The following RXRG variants were observed in gnomAD, a reference collection of about 807,000 sequenced individuals.
The protein encoded by RXRG is retinoic acid receptor RXR-gamma.
In RXRG, 19 loss-of-function variants were observed where a neutral mutation model predicts 49.2. The observed-to-expected ratio is 0.39, with a 90% confidence interval of 0.27 to 0.57. RXRG has a LOEUF of 0.57. Among genes scored for constraint, RXRG ranks in the 20% least tolerant of loss-of-function variants. RXRG has a pLI of 0.64. For synonymous variants in RXRG, 224 were observed against 216.6 expected (o/e 1.03, Z -0.30); for missense variants, 452 against 592.5 (o/e 0.76, Z 2.46).
intron 2 of RXRG, among the ~76,000 whole-genome samples, chr1:165,425,370 A>G (rs1658451599): frequency 6.6e-6 from 1 of 152,056 alleles, no homozygotes; most frequent in African/African-American, 2.4e-5. Flanking sequence ...CTATTGTGTG[A>G]TTGCCATGAG....
At chr1:165,442,532 C>T (rs750393297) in intron 1 of RXRG, among the ~76,000 whole-genome samples, 6 of 152,188 alleles carry the variant, frequency 3.9e-5, no homozygotes, top group Non-Finnish European at 7.3e-5. Flanking sequence ...AATCTAATTA[C>T]GCTAAATATC....
intron 1 of RXRG, among the ~76,000 whole-genome samples, chr1:165,430,997 G>A (rs1658655876): frequency 6.6e-6 from 1 of 152,086 alleles, no homozygotes; most frequent in Non-Finnish European, 1.5e-5. Context: ...AAAACTGTCT[G>A]TTCCTACTTG....
Position 165,417,238 on chromosome 1 carries a change from A to G in RXRG, c.443-18T>C, listed in dbSNP as rs1658154494. ...GTGCTTTCCTGGTTAGAAGAAAAGA[A>G]CATTCCATAGATTGTTCTTGTGTTT... On this transcript the variant is annotated intron_variant, in intron 3 of 9. Coordinates refer to ENST00000359842, the MANE Select transcript of RXRG (RefSeq NM_006917.5). The G allele has an allele frequency of 6.3e-7, 1 of 1,588,798 alleles. No individual in the cohort carries two copies. The highest frequency in any genetic ancestry group is 1.4e-5 in the African/African-American group (1 of 74,032).
At chr1:165,421,865 T>C (rs1658328770) in intron 2 of RXRG, among the ~76,000 whole-genome samples, 1 of 152,170 alleles carries the variant, frequency 6.6e-6, no homozygotes, top group African/African-American at 2.4e-5. Flanking sequence ...CCAGATGACA[T>C]TAATGTGCAT....
At chr1:165,416,932 A>T (rs1658144282) in intron 4 of RXRG, 109 bp downstream of exon 4, 14 of 1,049,954 alleles carry the variant, frequency 1.3e-5, no homozygotes, top group Admixed American at 4.9e-5. Context: ...TGAAGTGGAG[A>T]TTAGGATGAC....
Position 165,410,942 on chromosome 1 carries a change from C to T in RXRG, c.783+7G>A, listed in dbSNP as rs1476933262. 6.2e-7 allele frequency: 1 copy of T among 1,613,956 alleles called. No homozygotes were observed. The highest frequency in any genetic ancestry group is 8.5e-7 in the Non-Finnish European group (1 of 1,179,916). On this transcript the variant is annotated splice_region_variant and intron_variant, in intron 5 of 9. Transcript: ENST00000359842. Reference sequence around the variant, plus strand: ...TGGAACACACATGTGTGTCTAAGAGCACATACCGAGTTCTCCATATTCATG... The same window carrying T: ...TGGAACACACATGTGTGTCTAAGAGTACATACCGAGTTCTCCATATTCATG...
chr1:165,427,426 T>A (rs1658522956), intron 2 of RXRG, among the ~76,000 whole-genome samples: 1 of 151,802 alleles, frequency 6.6e-6, no homozygotes, highest in African/African-American at 2.4e-5. Flanking sequence ...TTTGTTTTGT[T>A]TTGTTTTGTT....
intron 3 of RXRG, among the ~76,000 whole-genome samples, chr1:165,418,961 G>T (rs1305060212): frequency 1.3e-5 from 2 of 152,216 alleles, no homozygotes; most frequent in Admixed American, 1.3e-4. Flanking sequence ...TTCTTTAGTG[G>T]CTTTGGTGGC....
At chr1:165,437,760 G>A (rs144381001) in intron 1 of RXRG, among the ~76,000 whole-genome samples, 20 of 152,270 alleles carry the variant, frequency 1.3e-4, no homozygotes, top group Admixed American at 7.2e-4. Context: ...ACCAGTATAC[G>A]GAATTGGCTT....
At position 165,406,886 on chromosome 1, in the gene RXRG, C is replaced by T; in HGVS notation, c.1170G>A (p.Val390=). The T allele has an allele frequency of 6.2e-7, 1 of 1,613,928 alleles. No homozygotes were observed. The highest frequency in any genetic ancestry group is 1.1e-5 in the South Asian group (1 of 91,064). Residue 390 remains valine (V), a synonymous_variant, in exon 9 of 10, where the codon GTG becomes GTA. Coordinates refer to ENST00000359842, the MANE Select transcript of RXRG (RefSeq NM_006917.5). ...DAKGLSNPSE[V]ETLREKVYAT... The stretch of plus-strand genomic sequence containing the variant: ...CATAAACCTTCTCTCGCAGAGTCTC[C>T]ACCTCAGAGGGGTTGGACAGGCCCT...
At chr1:165,406,782 G>A (rs1423867537) in intron 9 of RXRG, 30 bp downstream of exon 9, 1 of 1,512,018 alleles carries the variant, frequency 6.6e-7, no homozygotes, top group Non-Finnish European at 9.2e-7. Context: ...AGTTGCTGCT[G>A]TTACTACGAT....
Position 165,401,165 on chromosome 1 carries a change from A to AG in RXRG, c.*97dup. On this transcript the variant is annotated 3_prime_UTR_variant, in exon 10 of 10. Coordinates refer to ENST00000359842, the MANE Select transcript of RXRG (RefSeq NM_006917.5). ...TAAGCATCACATTTTGGGGACAGGA[A>AG]GGGGGTCAGGGTGGGAGGTGGAGGA... The AG allele has an allele frequency of 8.8e-7, 1 of 1,138,900 alleles. No individual in the cohort carries two copies. Among genetic ancestry groups the AG allele is most frequent in the East Asian group, 2.4e-5 (1 of 42,174 alleles). 70.5% of individuals were successfully genotyped at this position (1,138,900 alleles called of 1,614,324 possible).
chr1:165,411,083 G>A lies in RXRG; in HGVS notation c.649C>T (p.Arg217Ter), dbSNP rs1657930428. The A allele has an allele frequency of 2.5e-6, 4 of 1,613,954 alleles. No individual in the cohort carries two copies. The highest frequency in any genetic ancestry group is 1.1e-5 in the South Asian group (1 of 91,046). The stretch of plus-strand genomic sequence containing the variant: ...TCTGCCTCACTCTCAGCTCGCTCTC[G>A]GCTCCTCTGTCTTTCTTCTTGCACA... ...EAVQEERQRS[R>*]ERAESEAECA... The change falls in exon 5 of 10, where the codon CGA becomes TGA. Residue 217 changes from arginine to a stop codon, truncating the protein, a stop_gained. Transcript: ENST00000359842. LOFTEE classifies it high-confidence loss of function.
chr1:165,408,370 G>A (rs750128900), intron 7 of RXRG, 52 bp from the exon 8 acceptor site: 2 of 1,375,698 alleles, frequency 1.5e-6, no homozygotes, highest in South Asian at 1.2e-5. Flanking sequence ...AACAGGCCAA[G>A]AGCCAATAAA....
intron 2 of RXRG, chr1:165,424,664 A>G: frequency 4.3e-6 from 2 of 461,410 alleles, no homozygotes; most frequent in Non-Finnish European, 5.7e-6. Flanking sequence ...AAACAATGAA[A>G]TGACAGAGCA....
chr1:165,428,988 T>C, intron 1 of RXRG, 22 bp from the exon 2 acceptor site: 7 of 1,603,724 alleles, frequency 4.4e-6, no homozygotes, highest in Non-Finnish European at 5.1e-6. Flanking sequence ...AGAATATAGA[T>C]GGTGGGAGGT....
At chr1:165,437,145 G>A in intron 1 of RXRG, 5 of 1,367,782 alleles carry the variant, frequency 3.7e-6, no homozygotes, top group Non-Finnish European at 4.9e-6. Flanking sequence ...CACAGTATCT[G>A]TTTTCACAGC....
intron 3 of RXRG, 112 bp from the exon 4 acceptor site, chr1:165,417,332 T>C (rs1658158404): frequency 1.1e-6 from 1 of 939,700 alleles, no homozygotes; most frequent in Non-Finnish European, 1.6e-6. Flanking sequence ...CACTTGGGCA[T>C]TGGGACAGAA....
chr1:165,441,055 C>A (rs932367142), intron 1 of RXRG, among the ~76,000 whole-genome samples: 4 of 152,226 alleles, frequency 2.6e-5, no homozygotes, highest in African/African-American at 7.2e-5. Context: ...TATGTTCTAG[C>A]ATATACACAC....
Sources: gnomAD v4.1 joint callset for allele counts (sites outside exome capture counted in the v4.1 genomes callset) on GRCh38, gnomAD v4.1.1 for gene constraint, MANE v1.5 for transcripts, NCBI Gene and HGNC (gene_info 2026-07-23, HGNC 2026-07-21) for gene names.